Variants in CEP135 observed in about 807,000 individuals in gnomAD.
CEP135 encodes the protein centrosomal protein 135, also known as centrosomal protein of 135 kDa.
A neutral mutation model predicts 157.3 loss-of-function variants in CEP135; 142 were observed. That is an observed-to-expected ratio of 0.90 (90% CI 0.79 to 1.04). The LOEUF is 1.04. CEP135 is among the 50% of genes least tolerant of loss of function. The probability of loss-of-function intolerance (pLI) is 0.00; values close to 1 mark genes in which losing one functional copy is unlikely to be tolerated. For synonymous variants in CEP135, 396 were observed against 439.8 expected (o/e 0.90, Z 1.25); for missense variants, 1,317 against 1,309.2 (o/e 1.01, Z -0.09).
intron 12 of CEP135, among the ~76,000 whole-genome samples, 159 bp from the exon 13 acceptor site, chr4:55,981,068 A>C (rs1308740960): frequency 6.6e-6 from 1 of 151,634 alleles, no homozygotes; most frequent in Admixed American, 6.6e-5. Flanking sequence ...TTTTTGTTTT[A>C]TTATTCTTAC....
At chr4:56,024,418 C>A in intron 24 of CEP135, 83 bp from the exon 25 acceptor site, 5 of 864,742 alleles carry the variant, frequency 5.8e-6, no homozygotes, top group Non-Finnish European at 9.5e-6. Flanking sequence ...TACAAATTAG[C>A]TAATAACTCT....
intron 4 of CEP135, 82 bp downstream of exon 4, chr4:55,954,465 G>A: frequency 4.9e-6 from 6 of 1,234,480 alleles, no homozygotes; most frequent in Admixed American, 2.7e-5. Context: ...ATAGGACTTT[G>A]GATTGGATTT....
intron 24 of CEP135, 27 bp downstream of exon 24, chr4:56,020,807 C>T (rs1730950484): frequency 1.3e-6 from 2 of 1,547,860 alleles, no homozygotes; most frequent in Admixed American, 3.4e-5. Context: ...TTACATTTGA[C>T]AATGTTTTTA....
chr4:55,980,348 T>C, intron 12 of CEP135, 53 bp downstream of exon 12: 2 of 1,151,774 alleles, frequency 1.7e-6, no homozygotes, highest in South Asian at 1.5e-5. Context: ...CAGTTAACTA[T>C]AATGGAGCCT....
chr4:55,999,754 A>G (rs1019519027), intron 17 of CEP135, 109 bp downstream of exon 17: 15 of 1,110,786 alleles, frequency 1.4e-5, no homozygotes, highest in South Asian at 1.6e-5. Flanking sequence ...GTGCAGTGGC[A>G]TGATCACAGC....
Position 56,017,913 on chromosome 4 carries a change from T to C in CEP135, c.3012+56T>C, listed in dbSNP as rs11934142. 0.24 allele frequency: 347,195 copies of C among 1,442,808 alleles called. 44,033 individuals carry two copies. The highest frequency in any genetic ancestry group is 0.27 in the Non-Finnish European group (279,266 of 1,049,508). 89.4% of individuals were successfully genotyped at this position (1,442,808 alleles called of 1,614,324 possible). A position where few individuals can be genotyped will look rare whatever the true frequency, so the allele number is the denominator to read the frequency against. Reference sequence around the variant, plus strand: ...TTTTATTGAGCCCTACTCTAATTATTTTACTTTAGTATTCACCACACCATG... The same window carrying C: ...TTTTATTGAGCCCTACTCTAATTATCTTACTTTAGTATTCACCACACCATG... On this transcript the variant is annotated intron_variant, in intron 22 of 25. Coordinates refer to ENST00000257287, the MANE Select transcript of CEP135 (RefSeq NM_025009.5).
chr4:55,999,152 A>G (rs1730074441), intron 15 of CEP135, 150 bp from the exon 16 acceptor site: 1 of 598,262 alleles, frequency 1.7e-6, no homozygotes, highest in African/African-American at 1.9e-5. Flanking sequence ...ATAATATATA[A>G]TGCCATAGAT....
chr4:55,951,322 CTT>C (rs1728355776), intron 1 of CEP135, among the ~76,000 whole-genome samples: 1 of 152,152 alleles, frequency 6.6e-6, no homozygotes, highest in Non-Finnish European at 1.5e-5. Flanking sequence ...AACTGCCAGA[CTT>C]TTTCCAAAGT....
chr4:55,985,779 A>G (rs1402569920), intron 14 of CEP135, among the ~76,000 whole-genome samples: 1 of 152,112 alleles, frequency 6.6e-6, no homozygotes, highest in Non-Finnish European at 1.5e-5. Flanking sequence ...GTTTTATACA[A>G]TTACAATTAC....
intron 3 of CEP135, among the ~76,000 whole-genome samples, chr4:55,953,605 T>A (rs1195269847): frequency 6.6e-6 from 1 of 152,204 alleles, no homozygotes; most frequent in African/African-American, 2.4e-5. Flanking sequence ...AAATGTGCAT[T>A]ATATAGCTAT....
intron 15 of CEP135, among the ~76,000 whole-genome samples, chr4:55,997,625 T>C (rs191805707): frequency 3.3e-5 from 5 of 152,322 alleles, no homozygotes; most frequent in Admixed American, 2.0e-4. Context: ...TAGAAGAACA[T>C]TGTTATAATG....
At chr4:55,949,166 G>C (rs1728263893) in intron 1 of CEP135, 107 bp downstream of exon 1, 1 of 152,556 alleles carries the variant, frequency 6.6e-6, no homozygotes, top group Non-Finnish European at 1.5e-5. Flanking sequence ...GAGGCCGCGC[G>C]GCCGCGGGAG....
At position 55,964,067 on chromosome 4, in the gene CEP135, A is replaced by G. The variant is rs193258800; in HGVS notation, c.700-207A>G. ...TATGTAGTAAAAATACATATGAAAG[A>G]TATAGTGACAGCATGTCTGTTGACA... is the stretch of plus-strand genomic sequence containing the variant. On this transcript the variant is annotated intron_variant, in intron 6 of 25. Coordinates refer to ENST00000257287, the MANE Select transcript of CEP135 (RefSeq NM_025009.5). Among the ~76,000 whole-genome samples the G allele has an allele frequency of 2.6e-5, 4 of 152,364 alleles. No homozygotes were observed. In the East Asian group the frequency reaches 7.7e-4, roughly 29 times the overall value.
At position 55,959,715 on chromosome 4, in the gene CEP135, A is replaced by G. The variant is rs780747687; in HGVS notation, c.648A>G (p.Leu216=). ...IQELQQEVHQ[L]QEKLAMMESG... ...AACTTCAACAGGAAGTCCACCAGCT[A>G]CAAGAAAAGTTAGCAATGATGGAAA... The change falls in exon 6 of 26, where the codon CTA becomes CTG. Residue 216 remains leucine (L), a synonymous_variant. Coordinates refer to ENST00000257287, the MANE Select transcript of CEP135 (RefSeq NM_025009.5). 1.4e-5 allele frequency: 22 copies of G among 1,613,994 alleles called. No individual in the cohort carries two copies. Among genetic ancestry groups the G allele is most frequent in the Non-Finnish European group, 1.5e-5 (18 of 1,179,970 alleles).
chr4:56,005,908 T>C (rs1353534073), intron 17 of CEP135, among the ~76,000 whole-genome samples: 1 of 152,206 alleles, frequency 6.6e-6, no homozygotes, highest in Non-Finnish European at 1.5e-5. Context: ...TTGAAAATGA[T>C]AGTCTACTTC....
chr4:55,980,187 T>C lies in CEP135; in HGVS notation c.1518T>C (p.Asp506=), dbSNP rs770163477. 5 of 1,611,158 alleles carry C rather than the reference T, an allele frequency of 3.1e-6. No homozygotes were observed. In the Admixed American group the frequency reaches 8.4e-5, roughly 27 times the overall value. ...TTCATCAGATCACAAGAGAAAGAGA[T>C]GAACTTCAGCGTATGCTAGAAAGAT... The part of the protein sequence containing the change: ...SEIHQITRER[D]ELQRMLERFE... The change falls in exon 12 of 26, where the codon GAT becomes GAC. Residue 506 remains aspartate, a synonymous_variant. Transcript: ENST00000257287.
intron 19 of CEP135, among the ~76,000 whole-genome samples, chr4:56,010,137 G>T (rs921367789): frequency 6.6e-6 from 1 of 151,740 alleles, no homozygotes; most frequent in Non-Finnish European, 1.5e-5. Context: ...ATCACTTGAG[G>T]TCAGGAGTTC....
chr4:55,957,346 T>G lies in CEP135; in HGVS notation c.596T>G (p.Leu199Arg). 1 of 1,612,698 alleles carries G rather than the reference T, an allele frequency of 6.2e-7. No homozygotes were observed. The highest frequency in any genetic ancestry group is 1.3e-5 in the African/African-American group (1 of 75,004). Residue 199 changes from leucine to arginine, a missense_variant, in exon 5 of 26, where the codon CTT becomes CGT. Physicochemically the swap from Leu to Arg is moderately radical, Grantham distance 102. Transcript: ENST00000257287. ...QPDDPYIADL[L>R]QVADNRIQEL... The stretch of plus-strand genomic sequence containing the variant: ...GATGACCCTTACATTGCAGACCTCC[T>G]TCAAGTGGCTGATAACAGGTGCATT...
intron 23 of CEP135, 60 bp from the exon 24 acceptor site, chr4:56,020,616 A>G (rs1474320510): frequency 1.7e-5 from 23 of 1,367,320 alleles, no homozygotes; most frequent in Non-Finnish European, 2.1e-5. Context: ...TAAAAAACCC[A>G]CAGCACCTGA....
Sources: gnomAD v4.1 joint callset for allele counts (sites outside exome capture counted in the v4.1 genomes callset) on GRCh38, gnomAD v4.1.1 for gene constraint, MANE v1.5 for transcripts, NCBI Gene and HGNC (gene_info 2026-07-23, HGNC 2026-07-21) for gene names.